ABLIM2: variants seen among roughly 807,000 people sequenced by gnomAD.
The protein encoded by ABLIM2 is actin binding LIM protein family member 2.
A neutral mutation model predicts 97.7 loss-of-function variants in ABLIM2; 53 were observed. The observed-to-expected ratio is 0.54, with a 90% CI of 0.44 to 0.68. ABLIM2 has a LOEUF of 0.68. Among genes scored for constraint, ABLIM2 ranks in the 30% least tolerant of loss-of-function variants. The pLI, the probability that ABLIM2 is intolerant of heterozygous loss-of-function variation, is 0.00. For synonymous variants in ABLIM2, 361 were observed against 345.8 expected (o/e 1.04, Z -0.49); for missense variants, 835 against 867.2 (o/e 0.96, Z 0.47).
At position 8,140,776 on chromosome 4, in the gene ABLIM2, G is replaced by T. The variant is rs35705922; in HGVS notation, c.10+17904C>A. ...ATGTGGAAGGAGGGAAAGGGCTGAC[G>T]ATATTCAGAAAAGAGTGCATTTACC... is the stretch of plus-strand genomic sequence containing the variant. On this transcript the variant is annotated intron_variant, in intron 1 of 20. Coordinates refer to ENST00000447017, the MANE Select transcript of ABLIM2 (RefSeq NM_001130083.2). This position sits in a 1 kb window ranked among gnomAD's most constrained non-coding sequence, Gnocchi z 5.9. Among the ~76,000 whole-genome samples, 2 of 151,902 alleles carry T rather than the reference G, an allele frequency of 1.3e-5. No individual in the cohort carries two copies. The highest frequency in any genetic ancestry group is 2.1e-4 in the South Asian group (1 of 4,828).
chr4:8,117,108 C>G (rs1843109332), intron 1 of ABLIM2, among the ~76,000 whole-genome samples: 1 of 152,208 alleles, frequency 6.6e-6, no homozygotes, highest in Admixed American at 6.5e-5. Flanking sequence ...CCGTTTTGAT[C>G]CAAGAAGGGA....
At chr4:8,102,533 C>T (rs1835188986) in intron 2 of ABLIM2, among the ~76,000 whole-genome samples, 1 of 152,204 alleles carries the variant, frequency 6.6e-6, no homozygotes, top group South Asian at 2.1e-4. Flanking sequence ...ATAGTAGGTG[C>T]TCAATAAATA....
chr4:8,138,026 G>A (rs1850426664), intron 1 of ABLIM2, among the ~76,000 whole-genome samples: 1 of 152,222 alleles, frequency 6.6e-6, no homozygotes, highest in African/African-American at 2.4e-5. Context: ...TGACATGGAT[G>A]ACCCTTGAAG....
chr4:8,041,746 C>T (rs1285702295), intron 9 of ABLIM2, among the ~76,000 whole-genome samples: 3 of 151,644 alleles, frequency 2.0e-5, no homozygotes, highest in East Asian at 1.9e-4. Flanking sequence ...ATTAAAAATA[C>T]AAAAAAAATT....
rs1822970133 is a variant in ABLIM2, at chr4:8,085,567, G to T, written c.454+2602C>A. ...CCCGTCCACTCACATGGCTCTGGGGGTGCCCACGCTGCAGCCCCGTCCACT... is the reference window on the plus strand; with the variant it reads ...CCCGTCCACTCACATGGCTCTGGGGTTGCCCACGCTGCAGCCCCGTCCACT... On this transcript the variant is annotated intron_variant, in intron 4 of 20. Transcript: ENST00000447017. This position sits in a 1 kb window ranked among gnomAD's most constrained non-coding sequence, Gnocchi z 6.1. 6.7e-6 allele frequency among the ~76,000 whole-genome samples: 1 copy of T among 149,292 alleles called. No homozygotes were observed. The highest frequency in any genetic ancestry group is 1.5e-5 in the Non-Finnish European group (1 of 67,548).
intron 12 of ABLIM2, among the ~76,000 whole-genome samples, chr4:8,024,119 G>C (rs1775770831): frequency 6.6e-6 from 1 of 152,176 alleles, no homozygotes; most frequent in South Asian, 2.1e-4. Context: ...GGCAGTGGAG[G>C]GTGCGGGCCT....
intron 1 of ABLIM2, among the ~76,000 whole-genome samples, chr4:8,131,844 C>T (rs1013435299): frequency 2.1e-5 from 3 of 142,508 alleles, no homozygotes; most frequent in Admixed American, 6.8e-5. Context: ...AGCCCGCATC[C>T]CTGAGCACAG....
chr4:8,020,248 C>T lies in ABLIM2; in HGVS notation c.1323G>A (p.Pro441=), dbSNP rs765390231. Reference sequence around the variant, plus strand: ...GTGCCTGCTGGTAGGTGGAGGGGGGCGGCTTGCTGTCAGAGAGCACGGAGA... The same window carrying T: ...GTGCCTGCTGGTAGGTGGAGGGGGGTGGCTTGCTGTCAGAGAGCACGGAGA... The part of the protein sequence containing the change: ...PSLSVLSDSK[P]PPSTYQQAPR... Residue 441 remains proline (P), a synonymous_variant, in exon 13 of 21, where the codon CCG becomes CCA. Transcript: ENST00000447017. 4 of 1,613,798 alleles carry T rather than the reference C, an allele frequency of 2.5e-6. No individual in the cohort carries two copies. The highest frequency in any genetic ancestry group is 1.7e-5 in the Admixed American group (1 of 60,002).
Position 7,999,831 on chromosome 4 carries a change from C to G in ABLIM2, c.1619-6904G>C, listed in dbSNP as rs532453047. On this transcript the variant is annotated intron_variant, in intron 16 of 20. Coordinates refer to ENST00000447017, the MANE Select transcript of ABLIM2 (RefSeq NM_001130083.2). The surrounding 1 kb of genome is among the most constrained non-coding windows in gnomAD (Gnocchi z 4.4). Reference sequence around the variant, plus strand: ...TCCTGGCCGCCTCCCCTCCATGAAGCCTGCCATAGCCACCTTGCCCTCAGC... The same window carrying G: ...TCCTGGCCGCCTCCCCTCCATGAAGGCTGCCATAGCCACCTTGCCCTCAGC... Among the ~76,000 whole-genome samples the G allele has an allele frequency of 6.6e-6, 1 of 152,328 alleles. No individual in the cohort carries two copies. Among genetic ancestry groups the G allele is most frequent in the African/African-American group, 2.4e-5 (1 of 41,586 alleles).
chr4:8,110,025 C>T (rs1839524676), intron 1 of ABLIM2, among the ~76,000 whole-genome samples: 1 of 152,226 alleles, frequency 6.6e-6, no homozygotes, highest in African/African-American at 2.4e-5. Flanking sequence ...GGGCTGGAAT[C>T]GAAGCCTCCC....
At chr4:8,088,477 T>C (rs567454232) in intron 3 of ABLIM2, among the ~76,000 whole-genome samples, 193 bp from the exon 4 acceptor site, 5 of 152,214 alleles carry the variant, frequency 3.3e-5, no homozygotes, top group Admixed American at 2.6e-4. Flanking sequence ...CAGGTAGTCA[T>C]CGACACCTGA....
In ABLIM2 at chr4:8,054,535, G is replaced by A. The variant is rs922854005; in HGVS notation, c.764-289C>T. Among the ~76,000 whole-genome samples the A allele has an allele frequency of 6.6e-6, 1 of 152,238 alleles. No homozygotes were observed. Among genetic ancestry groups the A allele is most frequent in the Admixed American group, 6.5e-5 (1 of 15,290 alleles). On this transcript the variant is annotated intron_variant, in intron 7 of 20. Coordinates refer to ENST00000447017, the MANE Select transcript of ABLIM2 (RefSeq NM_001130083.2). This position sits in a 1 kb window ranked among gnomAD's most constrained non-coding sequence, Gnocchi z 4.9. The stretch of plus-strand genomic sequence containing the variant: ...ACTGCTCCCACAGGAGGAGGCATAG[G>A]GTCTTGAGGAACCTGGGGGGCAGCT...
At position 8,123,891 on chromosome 4, in the gene ABLIM2, G is replaced by C. The variant is rs2152894290; in HGVS notation, c.11-17254C>G. 6.6e-6 allele frequency among the ~76,000 whole-genome samples: 1 copy of C among 152,298 alleles called. No homozygotes were observed. The highest frequency in any genetic ancestry group is 1.9e-4 in the East Asian group (1 of 5,190). ...ATCCTTGCTAACCTCTGGAGACACG[G>C]TTCCTTTGGGTTCAATGACAAAAAT... On this transcript the variant is annotated intron_variant, in intron 1 of 20. Transcript: ENST00000447017. This position sits in a 1 kb window ranked among gnomAD's most constrained non-coding sequence, Gnocchi z 6.2.
intron 1 of ABLIM2, among the ~76,000 whole-genome samples, chr4:8,157,658 C>G (rs1715810869): frequency 6.6e-6 from 1 of 152,264 alleles, no homozygotes; most frequent in South Asian, 2.1e-4. Flanking sequence ...TCCGATCTCC[C>G]TCAGGGGAAG....
rs1429042984 is a variant in ABLIM2 at position 8,087,101 on chromosome 4, C to G, written c.454+1068G>C. Among the ~76,000 whole-genome samples the G allele has an allele frequency of 1.3e-5, 2 of 152,220 alleles. No homozygotes were observed. Among genetic ancestry groups the G allele is most frequent in the Admixed American group, 6.5e-5 (1 of 15,288 alleles). ...TGGGGGAGAAAGGAGGCATTTGACA[C>G]AGGAGAGGAAATTAATTGCGGGCAA... On this transcript the variant is annotated intron_variant, in intron 4 of 20. Coordinates refer to ENST00000447017, the MANE Select transcript of ABLIM2 (RefSeq NM_001130083.2). The surrounding 1 kb of genome is among the most constrained non-coding windows in gnomAD (Gnocchi z 4.6).
At chr4:8,056,482 G>A (rs1444630198) in intron 7 of ABLIM2, among the ~76,000 whole-genome samples, 1 of 151,378 alleles carries the variant, frequency 6.6e-6, no homozygotes, top group Admixed American at 6.6e-5. Flanking sequence ...TCATTTTTTT[G>A]TAGAGATGGG....
intron 1 of ABLIM2, among the ~76,000 whole-genome samples, chr4:8,144,240 C>T (rs1851447919): frequency 6.6e-6 from 1 of 152,216 alleles, no homozygotes; most frequent in Non-Finnish European, 1.5e-5. Flanking sequence ...GGTAAAATCC[C>T]AATTTCCAGC....
At chr4:8,020,460 TC>T in intron 12 of ABLIM2, 157 bp from the exon 13 acceptor site, 1 of 728,874 alleles carries the variant, frequency 1.4e-6, no homozygotes, top group Non-Finnish European at 2.4e-6. Context: ...GTGGGCCTCA[TC>T]CACGTTCCCA....
chr4:8,027,935 C>A (rs1294148334), intron 11 of ABLIM2, 78 bp from the exon 12 acceptor site: 2 of 1,022,232 alleles, frequency 2.0e-6, no homozygotes, highest in African/African-American at 3.3e-5. Context: ...CATCCCCACT[C>A]TGCTACGAAC....
Sources: gnomAD v4.1 joint callset for allele counts (sites outside exome capture counted in the v4.1 genomes callset) on GRCh38, gnomAD v4.1.1 for gene constraint, Gnocchi (gnomAD v3.1) non-coding constraint, MANE v1.5 for transcripts, NCBI Gene and HGNC (gene_info 2026-07-23, HGNC 2026-07-21) for gene names.